FAM107B: variants seen among roughly 807,000 people sequenced by gnomAD.
FAM107B encodes family with sequence similarity 107 member B, also known as protein FAM107B.
FAM107B carries 21 observed loss-of-function variants against 31.5 expected under a neutral mutation model. The ratio of observed to expected loss-of-function variants is 0.67; its 90% CI spans 0.47 to 0.96. The LOEUF is 0.96. Ranked by LOEUF, FAM107B falls within the 40% of genes least tolerant of loss-of-function variation. The pLI is 0.00. For missense variants in FAM107B, 452 were observed against 377.1 expected (o/e 1.20, Z -1.64); for synonymous variants, 157 against 141.5 (o/e 1.11, Z -0.78).
At chr10:14,713,659 G>T (rs939765499) in intron 1 of FAM107B, among the ~76,000 whole-genome samples, 1 of 152,162 alleles carries the variant, frequency 6.6e-6, no homozygotes, top group Non-Finnish European at 1.5e-5. Flanking sequence ...TCCAGGAGAA[G>T]AAAATCATAA....
At chr10:14,734,707 G>A (rs1856258243) in intron 1 of FAM107B, among the ~76,000 whole-genome samples, 1 of 152,088 alleles carries the variant, frequency 6.6e-6, no homozygotes, top group Non-Finnish European at 1.5e-5. Context: ...GTCTATAAAT[G>A]TTCCACTGAT....
At chr10:14,672,554 A>C (rs1405230349) in intron 1 of FAM107B, among the ~76,000 whole-genome samples, 1 of 152,248 alleles carries the variant, frequency 6.6e-6, no homozygotes, top group Non-Finnish European at 1.5e-5. Flanking sequence ...TAGAAAAGGT[A>C]CAGTAAAAAG....
chr10:14,721,312 G>C (rs1325123168), intron 1 of FAM107B, among the ~76,000 whole-genome samples: 2 of 152,146 alleles, frequency 1.3e-5, no homozygotes, highest in Non-Finnish European at 2.9e-5. Context: ...ACATACGTTT[G>C]CATGTGTCTT....
chr10:14,581,596 G>C (rs1447412433), intron 2 of FAM107B, among the ~76,000 whole-genome samples: 1 of 152,168 alleles, frequency 6.6e-6, no homozygotes, highest in Admixed American at 6.5e-5. Flanking sequence ...TCCACACCAG[G>C]AGCAGTTTTA....
At chr10:14,546,395 C>T (rs1462530451) in intron 2 of FAM107B, among the ~76,000 whole-genome samples, 1 of 152,132 alleles carries the variant, frequency 6.6e-6, no homozygotes, top group Non-Finnish European at 1.5e-5. Context: ...TGAGTAACAC[C>T]ACCATTAACA....
intron 1 of FAM107B, among the ~76,000 whole-genome samples, chr10:14,706,831 A>G (rs1211138748): frequency 1.3e-5 from 2 of 152,056 alleles, no homozygotes; most frequent in African/African-American, 4.8e-5. Flanking sequence ...CCAACTATAC[A>G]CTTAAAAAAT....
rs773674410 is a variant in FAM107B, at chr10:14,530,378, G to A, written c.607C>T (p.Arg203Trp). ...QKLINPVKTS[R>W]NHQDLHRELL... is the part of the protein sequence containing the mutation. Reference sequence around the variant, plus strand: ...TCTCTGTGAAGATCTTGATGGTTCCGGGAGGTTTTTACAGGATTGATCAGT... The same window carrying A: ...TCTCTGTGAAGATCTTGATGGTTCCAGGAGGTTTTTACAGGATTGATCAGT... Residue 203 changes from arginine (R) to tryptophan (W), a missense_variant, in exon 3 of 5, where the codon CGG becomes TGG. By Grantham distance (101) the Arg-to-Trp change is moderately radical (BLOSUM62 -3). Coordinates refer to ENST00000181796, the MANE Select transcript of FAM107B (RefSeq NM_031453.4). 5.5e-5 allele frequency: 89 copies of A among 1,612,842 alleles called. No individual in the cohort carries two copies. Among genetic ancestry groups the A allele is most frequent in the Middle Eastern group, 1.7e-4 (1 of 6,056 alleles).
intron 2 of FAM107B, among the ~76,000 whole-genome samples, chr10:14,663,763 G>C (rs1854322238): frequency 6.6e-6 from 1 of 152,002 alleles, no homozygotes. Flanking sequence ...AGTAACAATG[G>C]TGGTAAGGAC....
intron 1 of FAM107B, among the ~76,000 whole-genome samples, chr10:14,747,603 G>A (rs1475095187): frequency 6.6e-6 from 1 of 152,098 alleles, no homozygotes; most frequent in Non-Finnish European, 1.5e-5. Context: ...TATGCATCTG[G>A]GTTCCTCCCA....
intron 1 of FAM107B, among the ~76,000 whole-genome samples, chr10:14,729,258 C>A (rs1856108428): frequency 6.6e-6 from 1 of 152,104 alleles, no homozygotes; most frequent in South Asian, 2.1e-4. Flanking sequence ...CTTGACCTCC[C>A]AAAGCACTGG....
In FAM107B at chr10:14,530,532, A is replaced by G. The variant is rs755437871; in HGVS notation, c.470-17T>C. 3 of 1,610,026 alleles carry G rather than the reference A, an allele frequency of 1.9e-6. No individual in the cohort carries two copies. The highest frequency in any genetic ancestry group is 2.5e-6 in the Non-Finnish European group (3 of 1,179,112). On this transcript the variant is annotated splice_polypyrimidine_tract_variant and intron_variant, in intron 2 of 4. Transcript: ENST00000181796. The stretch of plus-strand genomic sequence containing the variant: ...GTGGGCTGTCTGAAAGAGAAAGATG[A>G]GAAACACTCATTTGCAGTTTTTGCT...
chr10:14,659,963 G>A (rs558627954), intron 2 of FAM107B, among the ~76,000 whole-genome samples: 2 of 152,104 alleles, frequency 1.3e-5, no homozygotes, highest in East Asian at 1.9e-4. Flanking sequence ...TTTGGGGTTC[G>A]TTACTTCACA....
intron 1 of FAM107B, among the ~76,000 whole-genome samples, chr10:14,713,386 G>T (rs1855706914): frequency 6.6e-6 from 1 of 152,204 alleles, no homozygotes; most frequent in Non-Finnish European, 1.5e-5. Context: ...TATAGCCCAA[G>T]ATTCAAGGAG....
chr10:14,744,619 T>G (rs969019627), intron 1 of FAM107B, among the ~76,000 whole-genome samples: 18 of 152,210 alleles, frequency 1.2e-4, no homozygotes, highest in Admixed American at 6.5e-4. Context: ...GGTTTTTGTC[T>G]TTAGTTCTGT....
At chr10:14,588,085 G>A (rs1227071437) in intron 2 of FAM107B, among the ~76,000 whole-genome samples, 2 of 152,126 alleles carry the variant, frequency 1.3e-5, no homozygotes, top group Non-Finnish European at 2.9e-5. Flanking sequence ...GACGTTAGTA[G>A]AGAGAGTGCC....
chr10:14,736,487 C>A (rs1856303562), intron 1 of FAM107B, among the ~76,000 whole-genome samples: 1 of 152,122 alleles, frequency 6.6e-6, no homozygotes, highest in African/African-American at 2.4e-5. Context: ...AGACTCTATC[C>A]TTAGTGTACT....
chr10:14,656,295 G>T (rs1854052746), intron 2 of FAM107B, among the ~76,000 whole-genome samples: 1 of 152,154 alleles, frequency 6.6e-6, no homozygotes, highest in Non-Finnish European at 1.5e-5. Flanking sequence ...ACTTCACAGG[G>T]AACTTCCAGG....
At chr10:14,555,502 A>C (rs1409165145) in intron 2 of FAM107B, among the ~76,000 whole-genome samples, 1 of 152,230 alleles carries the variant, frequency 6.6e-6, no homozygotes, top group Non-Finnish European at 1.5e-5. Context: ...TTCTGTCTTT[A>C]ATCTAGTTTT....
intron 1 of FAM107B, among the ~76,000 whole-genome samples, chr10:14,708,103 G>A (rs1855561667): frequency 6.6e-6 from 1 of 151,198 alleles, no homozygotes; most frequent in South Asian, 2.1e-4. Context: ...TTTAAGATAG[G>A]GTCTCACTCT....
Sources: allele counts gnomAD v4.1 joint callset (sites outside exome capture counted in the v4.1 genomes callset), GRCh38; gene constraint gnomAD v4.1.1; transcripts MANE v1.5; gene names NCBI Gene and HGNC (gene_info 2026-07-23, HGNC 2026-07-21).